FRAS1: variants seen among roughly 807,000 people sequenced by gnomAD.
The protein encoded by FRAS1 is Fraser extracellular matrix complex subunit 1, also known as extracellular matrix organizing protein FRAS1.
A neutral mutation model predicts 435.2 loss-of-function variants in FRAS1; 290 were observed. That is an observed-to-expected ratio of 0.67 (90% CI 0.61 to 0.73). The LOEUF is 0.73. FRAS1 is among the 30% of genes least tolerant of loss of function. The probability of loss-of-function intolerance (pLI) is 0.00; values close to 1 mark genes in which losing one functional copy is unlikely to be tolerated. For synonymous variants in FRAS1, 1,800 were observed against 1,851.0 expected, an observed-to-expected ratio of 0.97 and a Z score of 0.71; for missense variants, 4,860 against 5,001.5, an observed-to-expected ratio of 0.97 and a Z score of 0.85.
chr4:78,520,006 A>G (rs969451624), intron 67 of FRAS1, among the ~76,000 whole-genome samples: 2 of 152,146 alleles, frequency 1.3e-5, no homozygotes, highest in Non-Finnish European at 2.9e-5. Flanking sequence ...GTGATACTGA[A>G]TGTTTAAAAT....
chr4:78,406,263 T>C (rs1733090238), intron 30 of FRAS1, among the ~76,000 whole-genome samples: 2 of 152,164 alleles, frequency 1.3e-5, no homozygotes, highest in Admixed American at 1.3e-4. Flanking sequence ...ATCTGTAAAA[T>C]GAAGACAATA....
chr4:78,372,459 C>G (rs1731553593), intron 23 of FRAS1, among the ~76,000 whole-genome samples: 1 of 152,128 alleles, frequency 6.6e-6, no homozygotes, highest in East Asian at 1.9e-4. Flanking sequence ...TCTCAGCAGC[C>G]CTGCCAACAA....
chr4:78,368,754 C>T (rs1040036423), intron 22 of FRAS1, among the ~76,000 whole-genome samples: 1 of 151,926 alleles, frequency 6.6e-6, no homozygotes, highest in Non-Finnish European at 1.5e-5. Flanking sequence ...AACAAAGGTC[C>T]CAGAAGAAGA....
chr4:78,515,771 T>TTA lies in FRAS1; in HGVS notation c.10175-28_10175-27insTA, dbSNP rs1721188200. 2.5e-6 allele frequency: 4 copies of TTA among 1,606,908 alleles called. No individual in the cohort carries two copies. In the African/African-American group the frequency reaches 5.4e-5, roughly 22 times the overall value. On this transcript the variant is annotated intron_variant, in intron 65 of 73. Coordinates refer to ENST00000512123, the MANE Select transcript of FRAS1 (RefSeq NM_025074.7). ...TCCTTGGCATCCACAAACCAAGTTA[T>TTA]CGTTCCTTGTTCTTCCCTCCCTGGC... is the stretch of plus-strand genomic sequence containing the variant.
intron 6 of FRAS1, among the ~76,000 whole-genome samples, chr4:78,259,496 A>C (rs2110143542): frequency 6.6e-6 from 1 of 151,748 alleles, no homozygotes; most frequent in Admixed American, 6.6e-5. Context: ...TTGGCTGCAT[A>C]AATGTCTTCT....
intron 50 of FRAS1, among the ~76,000 whole-genome samples, chr4:78,468,298 T>C (rs1405205552): frequency 6.6e-6 from 1 of 152,188 alleles, no homozygotes; most frequent in Non-Finnish European, 1.5e-5. Context: ...ATGTGTATCC[T>C]AAAAGATACT....
At chr4:78,174,623 T>C (rs4309859) in intron 2 of FRAS1, among the ~76,000 whole-genome samples, 77,195 of 152,104 alleles carry the variant, frequency 0.51, 19,720 homozygotes, top group East Asian at 0.65. Flanking sequence ...ACAATTAAGA[T>C]AAGCCAAGTA....
intron 18 of FRAS1, 26 bp downstream of exon 18, chr4:78,319,012 G>A (rs766689456): frequency 5.0e-6 from 8 of 1,610,544 alleles, no homozygotes; most frequent in East Asian, 2.2e-5. Flanking sequence ...GAAAGTGTTA[G>A]GTAGCCTCTG....
In FRAS1 at chr4:78,369,014, C is replaced by T. The variant is rs1443899780; in HGVS notation, c.2723-824C>T. On this transcript the variant is annotated intron_variant, in intron 22 of 73. Coordinates refer to ENST00000512123, the MANE Select transcript of FRAS1 (RefSeq NM_025074.7). Reference sequence around the variant, plus strand: ...TGGTGGATGCATGGAAAATGGATTGCAAGGGGGTCAGAGCGGAGATGGGGA... The same window carrying T: ...TGGTGGATGCATGGAAAATGGATTGTAAGGGGGTCAGAGCGGAGATGGGGA... 4.6e-5 allele frequency among the ~76,000 whole-genome samples: 7 copies of T among 152,126 alleles called. No individual in the cohort carries two copies. In the South Asian group the frequency reaches 1.5e-3, roughly 32 times the overall value.
intron 18 of FRAS1, among the ~76,000 whole-genome samples, chr4:78,325,483 A>G (rs1729682408): frequency 6.6e-6 from 1 of 152,206 alleles, no homozygotes. Context: ...TCTTGCATTA[A>G]TTGGATTAAG....
At chr4:78,521,713 A>G in intron 68 of FRAS1, 83 bp downstream of exon 68, 1 of 823,836 alleles carries the variant, frequency 1.2e-6, no homozygotes, top group South Asian at 1.6e-5. Flanking sequence ...ATAGAACAGT[A>G]AAAAACAGTC....
At chr4:78,482,604 G>A in intron 58 of FRAS1, 69 bp downstream of exon 58, 2 of 1,488,308 alleles carry the variant, frequency 1.3e-6, no homozygotes, top group Admixed American at 1.9e-5. Flanking sequence ...GTCCACATAT[G>A]TGACATTGGA....
At chr4:78,482,049 A>G in intron 57 of FRAS1, 85 bp downstream of exon 57, 2 of 1,359,416 alleles carry the variant, frequency 1.5e-6, no homozygotes, top group Non-Finnish European at 2.1e-6. Context: ...AGCTCTCTAA[A>G]CTCCCCTGGC....
intron 2 of FRAS1, among the ~76,000 whole-genome samples, chr4:78,173,537 G>T (rs1287464436): frequency 1.3e-5 from 2 of 152,120 alleles, no homozygotes; most frequent in Non-Finnish European, 1.5e-5. Flanking sequence ...CCCATTCCCA[G>T]TCCCATTCCC....
intron 2 of FRAS1, among the ~76,000 whole-genome samples, chr4:78,226,082 C>T (rs984862340): frequency 3.0e-4 from 46 of 152,230 alleles, no homozygotes; most frequent in African/African-American, 1.0e-3. Flanking sequence ...CTAGATATTA[C>T]AATGTGTTAA....
intron 26 of FRAS1, among the ~76,000 whole-genome samples, chr4:78,377,134 G>T (rs1731798250): frequency 6.6e-6 from 1 of 152,206 alleles, no homozygotes; most frequent in Non-Finnish European, 1.5e-5. Context: ...CCTTTATGGT[G>T]AGTAAAGCTT....
At chr4:78,292,265 T>C (rs2110195658) in intron 14 of FRAS1, among the ~76,000 whole-genome samples, 1 of 152,316 alleles carries the variant, frequency 6.6e-6, no homozygotes, top group African/African-American at 2.4e-5. Context: ...TACTGTATTC[T>C]TTATAGCAAA....
chr4:78,181,515 C>T (rs527332225), intron 2 of FRAS1: 1 of 1,611,620 alleles, frequency 6.2e-7, no homozygotes, highest in African/African-American at 1.3e-5. Flanking sequence ...CGGCCCATTC[C>T]ACGTCCACGG....
intron 61 of FRAS1, among the ~76,000 whole-genome samples, chr4:78,504,429 A>G (rs984462954): frequency 2.0e-5 from 3 of 152,226 alleles, no homozygotes; most frequent in Admixed American, 6.5e-5. Context: ...TACATTTAGG[A>G]TAATTAACTC....
Sources: allele counts gnomAD v4.1 joint callset (sites outside exome capture counted in the v4.1 genomes callset), GRCh38; gene constraint gnomAD v4.1.1; transcripts MANE v1.5; gene names NCBI Gene and HGNC (gene_info 2026-07-23, HGNC 2026-07-21).